The following MCM2 variants were observed in gnomAD, a reference collection of about 807,000 sequenced individuals.
MCM2 encodes DNA replication licensing factor MCM2.
In MCM2, 49 loss-of-function variants were observed where a neutral mutation model predicts 86.4. The observed-to-expected ratio is 0.57, with a 90% CI of 0.45 to 0.72. The LOEUF is 0.72. MCM2 is among the 30% of genes least tolerant of loss of function. MCM2 has a pLI of 0.00. For missense variants in MCM2, 1,038 were observed against 1,259.9 expected (o/e 0.82, Z 2.67); for synonymous variants, 475 against 484.6 (o/e 0.98, Z 0.26).
At chr3:127,608,640 A>G (rs2074368632) in intron 7 of MCM2, 124 bp downstream of exon 7, 3 of 1,375,108 alleles carry the variant, frequency 2.2e-6, no homozygotes, top group Non-Finnish European at 3.0e-6. Flanking sequence ...CTGTTTTTGC[A>G]TGGCTGAGGC....
chr3:127,598,764 A>T, intron 1 of MCM2: 1 of 487,728 alleles, frequency 2.1e-6, no homozygotes, highest in Non-Finnish European at 3.6e-6. Context: ...TACAAAAGAC[A>T]GGCCCCCATT....
intron 8 of MCM2, among the ~76,000 whole-genome samples, chr3:127,615,653 C>CT (rs1458547375): frequency 6.6e-6 from 1 of 152,172 alleles, no homozygotes; most frequent in Non-Finnish European, 1.5e-5. Flanking sequence ...TTCTAAACTC[C>CT]AAAGTTCTGT....
In MCM2 at chr3:127,618,978, A is replaced by T; in HGVS notation, c.2014-49A>T. ...CCTTCTCCAGCCACTGACCTCCCCAAAGCCACGCACACCCACAATCAGACC... is the reference window on the plus strand; with the variant it reads ...CCTTCTCCAGCCACTGACCTCCCCATAGCCACGCACACCCACAATCAGACC... On this transcript the variant is annotated intron_variant, in intron 12 of 15. Transcript: ENST00000265056. This position sits in a 1 kb window ranked among gnomAD's most constrained non-coding sequence, Gnocchi z 4.0. The T allele has an allele frequency of 6.6e-7, 1 of 1,516,574 alleles. No individual in the cohort carries two copies. The highest frequency in any genetic ancestry group is 2.4e-5 in the East Asian group (1 of 42,514). 93.9% of individuals were successfully genotyped at this position (1,516,574 alleles called of 1,614,324 possible).
At chr3:127,602,743 G>A (rs2074314288) in intron 2 of MCM2, among the ~76,000 whole-genome samples, 2 of 152,218 alleles carry the variant, frequency 1.3e-5, no homozygotes, top group Non-Finnish European at 2.9e-5. Flanking sequence ...AAAGGGTTGA[G>A]ACAGTGGGTG....
rs2074435777 is a variant in MCM2, at chr3:127,616,733, T to C, written c.1523-135T>C. On this transcript the variant is annotated intron_variant, in intron 9 of 15. Coordinates refer to ENST00000265056, the MANE Select transcript of MCM2 (RefSeq NM_004526.4). The stretch of plus-strand genomic sequence containing the variant: ...GAGTGGGACTGCATGGCGTAGGGCA[T>C]TGTATCCCTTTCTAGAGGGACTGTG... The C allele has an allele frequency of 4.1e-6, 4 of 964,258 alleles. No individual in the cohort carries two copies. The African/African-American group carries it at 6.5e-5, about 16-fold the overall frequency. The allele number at this position is 964,258 out of a possible 1,614,324, so 59.7% of individuals were successfully genotyped here.
intron 8 of MCM2, among the ~76,000 whole-genome samples, chr3:127,614,217 G>A (rs1462144754): frequency 2.6e-5 from 4 of 152,130 alleles, no homozygotes; most frequent in South Asian, 2.1e-4. Context: ...CAGGCATGCC[G>A]TTTTTTTCTG....
chr3:127,617,949 G>T lies in MCM2; in HGVS notation c.1901-20G>T. ...GGATAGGGGAATCCACCCTGATGGA[G>T]GTGCTCCCCTGTGTTTCAGGAGGGC... On this transcript the variant is annotated intron_variant, in intron 11 of 15. Transcript: ENST00000265056. The surrounding 1 kb of genome is among the most constrained non-coding windows in gnomAD (Gnocchi z 4.1). 3 of 1,592,104 alleles carry T rather than the reference G, an allele frequency of 1.9e-6. No homozygotes were observed. Among genetic ancestry groups the T allele is most frequent in the Non-Finnish European group, 2.6e-6 (3 of 1,162,236 alleles).
At position 127,615,927 on chromosome 3, in the gene MCM2, C is replaced by A; in HGVS notation, c.1494C>A (p.Ala498=). Residue 498 remains alanine (A), a synonymous_variant, in exon 9 of 16, where the codon GCC becomes GCA. Coordinates refer to ENST00000265056, the MANE Select transcript of MCM2 (RefSeq NM_004526.4). The stretch of plus-strand genomic sequence containing the variant: ...ACATCAAGAGAGGCCTGGCTCTGGC[C>A]CTGTTCGGAGGGGAGCCCAAAAACC... ...HEDIKRGLAL[A]LFGGEPKNPG... The A allele has an allele frequency of 2.5e-6, 4 of 1,614,144 alleles. No homozygotes were observed. Among genetic ancestry groups the A allele is most frequent in the Non-Finnish European group, 3.4e-6 (4 of 1,180,028 alleles).
chr3:127,601,449 C>T (rs2074305757), intron 2 of MCM2, among the ~76,000 whole-genome samples: 1 of 152,224 alleles, frequency 6.6e-6, no homozygotes, highest in African/African-American at 2.4e-5. Flanking sequence ...CAACCTCCGC[C>T]TCCCAGGTTC....
Position 127,617,148 on chromosome 3 carries a change from A to G in MCM2, c.1773+30A>G, listed in dbSNP as rs2107694610. ...GTCCCTGGGTCACGGAGGCTGGTGG[A>G]ACTCAGGGGGTGTGTGTGGGCTTGG... On this transcript the variant is annotated intron_variant, in intron 10 of 15. Coordinates refer to ENST00000265056, the MANE Select transcript of MCM2 (RefSeq NM_004526.4). This position sits in a 1 kb window ranked among gnomAD's most constrained non-coding sequence, Gnocchi z 4.1. 6.2e-7 allele frequency: 1 copy of G among 1,609,136 alleles called. No individual in the cohort carries two copies. Among genetic ancestry groups the G allele is most frequent in the Middle Eastern group, 1.7e-4 (1 of 6,044 alleles).
At chr3:127,600,606 CTGCA>C (rs1316149197) in intron 2 of MCM2, among the ~76,000 whole-genome samples, 14 of 152,308 alleles carry the variant, frequency 9.2e-5, no homozygotes, top group African/African-American at 3.1e-4. Context: ...AACGATGAGA[CTGCA>C]TGTGCTGTAG....
Position 127,606,390 on chromosome 3 carries a change from C to T in MCM2, c.893+53C>T, listed in dbSNP as rs549612677. The T allele has an allele frequency of 7.0e-6, 11 of 1,560,302 alleles. No individual in the cohort carries two copies. The highest frequency in any genetic ancestry group is 1.7e-5 in the Admixed American group (1 of 58,816). On this transcript the variant is annotated intron_variant, in intron 5 of 15. Coordinates refer to ENST00000265056, the MANE Select transcript of MCM2 (RefSeq NM_004526.4). The surrounding 1 kb of genome is among the most constrained non-coding windows in gnomAD (Gnocchi z 4.2). ...GGTCCGAGCTCAGTGCTGGGTGACT[C>T]GGTCGTGATTCCTGAAGAGCGATTG...
Position 127,606,669 on chromosome 3 carries a change from TC to T in MCM2, c.955del (p.Leu319CysfsTer29). 6.2e-7 allele frequency: 1 copy of T among 1,614,198 alleles called. No homozygotes were observed. The highest frequency in any genetic ancestry group is 1.7e-5 in the Admixed American group (1 of 60,026). On this transcript the variant is annotated frameshift_variant, in exon 6 of 16. Coordinates refer to ENST00000265056, the MANE Select transcript of MCM2 (RefSeq NM_004526.4). LOFTEE classifies it high-confidence loss of function. This position sits in a 1 kb window ranked among gnomAD's most constrained non-coding sequence, Gnocchi z 4.2. Reference sequence around the variant, plus strand: ...GGGGTGGTGACCAGCTGCACTGGCGTCCTGCCCCAGCTCAGCATGGTCAAGT... The same window carrying T: ...GGGGTGGTGACCAGCTGCACTGGCGTCTGCCCCAGCTCAGCATGGTCAAGT... Reference protein sequence around the residue: ...TSGVVTSCTGVLPQLSMVKYN... With the variant: ...TSGVVTSCTGXLPQLSMVKYN...
chr3:127,618,141 T>C lies in MCM2; in HGVS notation c.2013+60T>C. ...TGGTTTGGGGACCTCAGGTGAGGCT[T>C]GGGGTCATACAGTGTGCCCAACACA... On this transcript the variant is annotated intron_variant, in intron 12 of 15. Transcript: ENST00000265056. This position sits in a 1 kb window ranked among gnomAD's most constrained non-coding sequence, Gnocchi z 4.0. 1 of 1,391,088 alleles carries C rather than the reference T, an allele frequency of 7.2e-7. No homozygotes were observed. Among genetic ancestry groups the C allele is most frequent in the Non-Finnish European group, 1.0e-6 (1 of 985,576 alleles). The allele number at this position is 1,391,088 out of a possible 1,614,324, so 86.2% of individuals were successfully genotyped here. A position where few individuals can be genotyped will look rare whatever the true frequency, so the allele number is the denominator to read the frequency against.
At chr3:127,599,181 C>CTGGAAGGGGTT (rs1321148886) in intron 1 of MCM2, 137 bp from the exon 2 acceptor site, 1 of 732,200 alleles carries the variant, frequency 1.4e-6, no homozygotes, top group East Asian at 2.5e-5. Flanking sequence ...GATCTGGAGG[C>CTGGAAGGGGTT]TGGAAGGGGT....
At chr3:127,619,400 TAA>T in intron 13 of MCM2, 122 bp downstream of exon 13, 5 of 1,067,876 alleles carry the variant, frequency 4.7e-6, no homozygotes, top group South Asian at 1.9e-5. Flanking sequence ...AGGGAGGCAT[TAA>T]AAAAAAAATG....
intron 2 of MCM2, 145 bp from the exon 3 acceptor site, chr3:127,604,463 C>T (rs1441912718): frequency 1.4e-6 from 1 of 740,576 alleles, no homozygotes; most frequent in East Asian, 2.5e-5. Flanking sequence ...TTTTCTGAGC[C>T]TTCTGTGTTT....
chr3:127,614,466 T>C (rs776008721), intron 8 of MCM2, among the ~76,000 whole-genome samples: 8 of 152,220 alleles, frequency 5.3e-5, no homozygotes, highest in Non-Finnish European at 1.2e-4. Flanking sequence ...CTCATAATCT[T>C]TAGATCTTTT....
chr3:127,619,740 T>G (rs1169166931), intron 13 of MCM2, among the ~76,000 whole-genome samples: 1 of 152,108 alleles, frequency 6.6e-6, no homozygotes, highest in African/African-American at 2.4e-5. Flanking sequence ...CCCAGCACTT[T>G]GGGAGGCCAA....
Sources: gnomAD v4.1 joint callset for allele counts (sites outside exome capture counted in the v4.1 genomes callset) on GRCh38, gnomAD v4.1.1 for gene constraint, Gnocchi (gnomAD v3.1) non-coding constraint, MANE v1.5 for transcripts, NCBI Gene and HGNC (gene_info 2026-07-23, HGNC 2026-07-21) for gene names.